Variants in BBS4 observed in about 807,000 individuals in gnomAD.
BBS4 encodes the protein Bardet-Biedl syndrome 4.
A neutral mutation model predicts 71.4 loss-of-function variants in BBS4; 58 were observed. The ratio of observed to expected loss-of-function variants is 0.81; its 90% CI spans 0.66 to 1.01. BBS4 has a LOEUF of 1.01. BBS4 is among the 50% of genes least tolerant of loss of function. The pLI, the probability that BBS4 is intolerant of heterozygous loss-of-function variation, is 0.00. For synonymous variants in BBS4, 228 were observed against 216.8 expected (o/e 1.05, Z -0.46); for missense variants, 660 against 607.9 (o/e 1.09, Z -0.90).
chr15:72,702,482 A>G (rs2065187644), intron 2 of BBS4, among the ~76,000 whole-genome samples: 1 of 152,210 alleles, frequency 6.6e-6, no homozygotes, highest in African/African-American at 2.4e-5. Flanking sequence ...TAATTGTTAA[A>G]TTTTGCTTTG....
At chr15:72,723,063 T>C (rs984100785) in intron 7 of BBS4, among the ~76,000 whole-genome samples, 2 of 152,144 alleles carry the variant, frequency 1.3e-5, no homozygotes, top group Non-Finnish European at 2.9e-5. Context: ...TCTAGAAATA[T>C]GAGGGAATGG....
chr15:72,724,570 G>C lies in BBS4; in HGVS notation c.502G>C (p.Asp168His). The C allele has an allele frequency of 6.2e-7, 1 of 1,614,062 alleles. No individual in the cohort carries two copies. The highest frequency in any genetic ancestry group is 1.3e-5 in the African/African-American group (1 of 75,032). ...LHNALNLNRH[D>H]LTYIMLGKIH... is the part of the protein sequence containing the mutation. Reference sequence around the variant, plus strand: ...CAATGCCCTGAATCTTAATAGGCACGATCTGACTTATATAATGCTGGGGAA... The same window carrying C: ...CAATGCCCTGAATCTTAATAGGCACCATCTGACTTATATAATGCTGGGGAA... The change falls in exon 8 of 16, where the codon GAT becomes CAT. Residue 168 changes from aspartate to histidine, a missense_variant. Asp to His is a moderately conservative substitution (Grantham distance 81). Coordinates refer to ENST00000268057, the MANE Select transcript of BBS4 (RefSeq NM_033028.5).
At chr15:72,686,454 T>TG in intron 1 of BBS4, 1 of 1,532,286 alleles carries the variant, frequency 6.5e-7, no homozygotes, top group African/African-American at 1.4e-5. Context: ...GCACAGGTCC[T>TG]GTTCTAGGAC....
intron 2 of BBS4, among the ~76,000 whole-genome samples, chr15:72,706,552 A>G (rs972029540): frequency 2.6e-5 from 4 of 152,132 alleles, no homozygotes; most frequent in Non-Finnish European, 5.9e-5. Flanking sequence ...GTTAAGTAGG[A>G]TGTGAATGGC....
At chr15:72,699,905 A>G (rs959176836) in intron 2 of BBS4, among the ~76,000 whole-genome samples, 4 of 152,148 alleles carry the variant, frequency 2.6e-5, no homozygotes, top group East Asian at 1.9e-4. Context: ...AGTATTTGCA[A>G]TGTTTCCAGT....
At chr15:72,729,209 G>GC (rs2065759797) in intron 9 of BBS4, among the ~76,000 whole-genome samples, 1 of 106,980 alleles carries the variant, frequency 9.3e-6, no homozygotes, top group South Asian at 3.0e-4. Context: ...ACTCAAAAAA[G>GC]CCAGAGCATT....
At chr15:72,724,709 T>C in intron 8 of BBS4, 54 bp downstream of exon 8, 2 of 1,603,002 alleles carry the variant, frequency 1.2e-6, no homozygotes, top group East Asian at 4.5e-5. Flanking sequence ...ATTGAGTGGA[T>C]ATGTGAACTC....
Position 72,736,771 on chromosome 15 carries a change from A to G in BBS4, c.1258A>G (p.Met420Val), listed in dbSNP as rs1205801623. 2 of 1,614,158 alleles carry G rather than the reference A, an allele frequency of 1.2e-6. No individual in the cohort carries two copies. The highest frequency in any genetic ancestry group is 1.7e-6 in the Non-Finnish European group (2 of 1,180,024). The stretch of plus-strand genomic sequence containing the variant: ...CCTTTGTGGACACAAGATGGTGGAG[A>G]TGGCTCAGAAGTTGGGAGCTGCTCT... ...SLEFDSEMVE[M>V]AQKLGAALQV... Residue 420 changes from methionine (M) to valine (V), a missense_variant, in exon 15 of 16, where the codon ATG (methionine) becomes GTG (valine). Transcript: ENST00000268057.
At chr15:72,717,392 AG>A (rs1448100680) in intron 6 of BBS4, 1 of 154,254 alleles carries the variant, frequency 6.5e-6, no homozygotes, top group African/African-American at 2.4e-5. Context: ...TCATGAAACA[AG>A]ATGTCCAGGT....
At chr15:72,700,764 A>G (rs1195849325) in intron 2 of BBS4, among the ~76,000 whole-genome samples, 1 of 151,978 alleles carries the variant, frequency 6.6e-6, no homozygotes, top group Non-Finnish European at 1.5e-5. Flanking sequence ...TGATGATCAA[A>G]AGTTTTAATT....
chr15:72,707,141 C>T (rs1297774950), intron 2 of BBS4, among the ~76,000 whole-genome samples: 3 of 148,828 alleles, frequency 2.0e-5, no homozygotes, highest in African/African-American at 7.4e-5. Context: ...TCATTTTCCT[C>T]TCTTCCCCAT....
At chr15:72,690,035 C>T (rs977664509) in intron 1 of BBS4, among the ~76,000 whole-genome samples, 11 of 152,068 alleles carry the variant, frequency 7.2e-5, no homozygotes, top group African/African-American at 2.7e-4. Context: ...TGGTTTCAAT[C>T]TCCTGACCTT....
At position 72,738,232 on chromosome 15, in the gene BBS4, C is replaced by G. The variant is rs895430414; in HGVS notation, c.*645C>G. 2.2e-6 allele frequency: 1 copy of G among 453,794 alleles called. No individual in the cohort carries two copies. Among genetic ancestry groups the G allele is most frequent in the Non-Finnish European group, 4.4e-6 (1 of 226,724 alleles). 28.1% of individuals were successfully genotyped at this position (453,794 alleles called of 1,614,324 possible). On this transcript the variant is annotated 3_prime_UTR_variant, in exon 16 of 16. Coordinates refer to ENST00000268057, the MANE Select transcript of BBS4 (RefSeq NM_033028.5). ...GGTCAGTCTAGAAGCTAGATCCTATCAGGATGAGGAGCAGCAGCCCAGGGC... is the reference window on the plus strand; with the variant it reads ...GGTCAGTCTAGAAGCTAGATCCTATGAGGATGAGGAGCAGCAGCCCAGGGC...
In BBS4 at chr15:72,719,263, A is replaced by T. The variant is rs999537683; in HGVS notation, c.405+2413A>T. ...ATGCTAGCAGTTTTTTACTTTCTAA[A>T]TTTTTTTTTTTTTTTTTAAGAGACA... On this transcript the variant is annotated intron_variant, in intron 6 of 15. Transcript: ENST00000268057. 4.6e-3 allele frequency among the ~76,000 whole-genome samples: 650 copies of T among 140,954 alleles called. 8 individuals carry two copies. The highest frequency in any genetic ancestry group is 0.017 in the African/African-American group (631 of 38,092). The allele number at this position is 140,954 out of a possible 152,430, so 92.5% of individuals were successfully genotyped here.
At position 72,736,782 on chromosome 15, in the gene BBS4, G is replaced by T; in HGVS notation, c.1269G>T (p.Lys423Asn). ...ACAAGATGGTGGAGATGGCTCAGAA[G>T]TTGGGAGCTGCTCTCCAGGTTGGGG... ...FDSEMVEMAQKLGAALQVGEA... is the reference protein window; with the variant it reads ...FDSEMVEMAQNLGAALQVGEA... The change falls in exon 15 of 16, where the codon AAG becomes AAT. Residue 423 changes from lysine (K) to asparagine (N), a missense_variant. Lys to Asn is a moderately conservative substitution (Grantham distance 94, BLOSUM62 0). Transcript: ENST00000268057. The T allele has an allele frequency of 6.2e-7, 1 of 1,614,216 alleles. No homozygotes were observed. Among genetic ancestry groups the T allele is most frequent in the Non-Finnish European group, 8.5e-7 (1 of 1,180,038 alleles).
chr15:72,736,875 A>T lies in BBS4; in HGVS notation c.1362A>T (p.Lys454Asn), dbSNP rs75359273. The T allele has an allele frequency of 1.9e-6, 3 of 1,613,574 alleles. No individual in the cohort carries two copies. The South Asian group carries it at 3.3e-5, about 18-fold the overall frequency. ...AGCACCAGACCACTTCAACCAGCAA[A>T]CCTGCCAGTTTCCAGCAGCCTCTGG... ...KSKHQTTSTS[K>N]PASFQQPLGS... Residue 454 changes from lysine to asparagine, a missense_variant, in exon 15 of 16, where the codon AAA (lysine) becomes AAT (asparagine). By Grantham distance (94) the Lys-to-Asn change is moderately conservative. Coordinates refer to ENST00000268057, the MANE Select transcript of BBS4 (RefSeq NM_033028.5).
Position 72,727,966 on chromosome 15 carries a change from T to G in BBS4, c.614T>G (p.Leu205Arg), listed in dbSNP as rs755843033. The G allele has an allele frequency of 6.2e-7, 1 of 1,612,840 alleles. No individual in the cohort carries two copies. The highest frequency in any genetic ancestry group is 8.5e-7 in the Non-Finnish European group (1 of 1,178,836). The change falls in exon 9 of 16, where the codon CTT (leucine) becomes CGT (arginine). Residue 205 changes from leucine (L) to arginine (R), a missense_variant. Transcript: ENST00000268057. ...VEFSPENTEL[L>R]TTLGLLYLQL... is the part of the protein sequence containing the mutation. ...TTCTCACCAGAAAATACAGAGCTTC[T>G]TACAACTTTAGGATTACTCTACTTA...
chr15:72,697,995 A>C (rs2065106679), intron 2 of BBS4: 1 of 455,794 alleles, frequency 2.2e-6, no homozygotes. Context: ...ACCTTAGGTG[A>C]CTTTCTTCTG....
At chr15:72,735,654 ACT>A in intron 13 of BBS4, 169 bp from the exon 14 acceptor site, 3 of 847,462 alleles carry the variant, frequency 3.5e-6, no homozygotes, top group Non-Finnish European at 5.9e-6. Flanking sequence ...TAGGCCATTA[ACT>A]CCTTGATTCT....
Sources: gnomAD v4.1 joint callset for allele counts (sites outside exome capture counted in the v4.1 genomes callset) on GRCh38, gnomAD v4.1.1 for gene constraint, MANE v1.5 for transcripts, NCBI Gene and HGNC (gene_info 2026-07-23, HGNC 2026-07-21) for gene names.